Variants in KCNAB1 observed in about 807,000 individuals in gnomAD.
KCNAB1 encodes voltage-gated potassium channel subunit beta-1.
Under a neutral mutation model 64.6 loss-of-function variants are expected in KCNAB1, and 35 were observed. That is an observed-to-expected ratio of 0.54 (90% CI 0.41 to 0.72). The LOEUF (loss-of-function observed/expected upper bound fraction) is 0.72. Ranked by LOEUF, KCNAB1 falls within the 30% of genes least tolerant of loss-of-function variation. KCNAB1 has a pLI of 0.00. For missense variants in KCNAB1, 401 were observed against 512.9 expected (o/e 0.78, Z 2.11); for synonymous variants, 177 against 183.8 (o/e 0.96, Z 0.30).
intron 1 of KCNAB1, among the ~76,000 whole-genome samples, chr3:156,229,412 C>T (rs969675589): frequency 1.3e-5 from 2 of 152,162 alleles, no homozygotes; most frequent in African/African-American, 4.8e-5. Flanking sequence ...GATCCAATAT[C>T]CTCCCACCAG....
intron 2 of KCNAB1, among the ~76,000 whole-genome samples, chr3:156,449,640 G>T (rs1711844839): frequency 6.6e-6 from 1 of 152,312 alleles, no homozygotes; most frequent in African/African-American, 2.4e-5. Flanking sequence ...TTTTCATAAA[G>T]TTTGAAGTCT....
intron 4 of KCNAB1, 134 bp from the exon 5 acceptor site, chr3:156,459,693 C>T (rs1029325240): frequency 6.6e-6 from 4 of 606,596 alleles, no homozygotes; most frequent in Admixed American, 5.9e-5. Context: ...ACTGTGCTAC[C>T]AGCCGAGAGC....
At chr3:156,413,030 C>T (rs1304822594) in intron 1 of KCNAB1, among the ~76,000 whole-genome samples, 5 of 152,170 alleles carry the variant, frequency 3.3e-5, no homozygotes, top group Non-Finnish European at 7.3e-5. Context: ...TAGAGTCAAG[C>T]CTGAACATAA....
At chr3:156,229,967 A>G (rs2108432884) in intron 1 of KCNAB1, among the ~76,000 whole-genome samples, 1 of 152,240 alleles carries the variant, frequency 6.6e-6, no homozygotes, top group Admixed American at 6.5e-5. Flanking sequence ...TCTAACACAT[A>G]CTTATTGATT....
chr3:156,380,047 T>A (rs11708859), intron 1 of KCNAB1, among the ~76,000 whole-genome samples: 4 of 152,140 alleles, frequency 2.6e-5, no homozygotes, highest in South Asian at 4.2e-4. Context: ...CTACACCTCA[T>A]AATTCTAGAT....
chr3:156,529,619 G>A (rs575102764), intron 12 of KCNAB1, among the ~76,000 whole-genome samples: 9 of 152,268 alleles, frequency 5.9e-5, no homozygotes, highest in African/African-American at 2.2e-4. Context: ...CATAACAATG[G>A]GTGTTTCACA....
chr3:156,401,869 C>CT (rs60709682), intron 1 of KCNAB1, among the ~76,000 whole-genome samples: 21,279 of 145,594 alleles, frequency 0.15, 1,611 homozygotes, highest in Middle Eastern at 0.19. Context: ...AGATTTCCAA[C>CT]TTTTTTTTTT....
chr3:156,509,375 GTGCTGC>G (rs67594426), intron 8 of KCNAB1, among the ~76,000 whole-genome samples: 9,054 of 151,034 alleles, frequency 0.06, 701 homozygotes, highest in African/African-American at 0.19. Context: ...AAGTTTCCAG[GTGCTGC>G]TGCTGCTGCT....
At chr3:156,158,179 A>AAAATAAAAAAT (rs1715854034) in intron 1 of KCNAB1, among the ~76,000 whole-genome samples, 62 of 60,676 alleles carry the variant, frequency 1.0e-3, no homozygotes, top group African/African-American at 2.7e-3. Context: ...AAAAAAATAA[A>AAAATAAAAAAT]AAATAAATAA....
chr3:156,256,185 T>C (rs542422836), intron 1 of KCNAB1, among the ~76,000 whole-genome samples: 1 of 152,250 alleles, frequency 6.6e-6, no homozygotes, highest in Non-Finnish European at 1.5e-5. Context: ...AAAAGTGTTA[T>C]GTTTTCAGCA....
At chr3:156,520,118 C>G (rs149561746) in intron 11 of KCNAB1, among the ~76,000 whole-genome samples, 1 of 152,108 alleles carries the variant, frequency 6.6e-6, no homozygotes, top group Non-Finnish European at 1.5e-5. Context: ...CATCACAGAG[C>G]CTGATGAGTA....
intron 1 of KCNAB1, among the ~76,000 whole-genome samples, chr3:156,236,222 C>T (rs1480990695): frequency 1.3e-5 from 2 of 152,210 alleles, no homozygotes; most frequent in African/African-American, 4.8e-5. Context: ...AAAACTCTCT[C>T]ACTTCATAAG....
intron 1 of KCNAB1, among the ~76,000 whole-genome samples, chr3:156,139,584 G>GTTTTTTTTTTTTTTTTTT (rs386398329): frequency 1.4e-4 from 8 of 55,248 alleles, no homozygotes; most frequent in African/African-American, 6.1e-4. Flanking sequence ...ATTGTACTGT[G>GTTTTTTTTTTTTTTTTTT]TTTTTTTTTT....
chr3:156,344,474 T>C (rs1724345325), intron 1 of KCNAB1, among the ~76,000 whole-genome samples: 1 of 152,144 alleles, frequency 6.6e-6, no homozygotes, highest in South Asian at 2.1e-4. Flanking sequence ...CAACCACAGG[T>C]GAATCTACAA....
chr3:156,126,789 A>G (rs186705531), intron 1 of KCNAB1, among the ~76,000 whole-genome samples: 38 of 152,030 alleles, frequency 2.5e-4, no homozygotes, highest in Non-Finnish European at 8.8e-5. Context: ...AAAGTGGGTA[A>G]TGATGGCAGT....
intron 1 of KCNAB1, among the ~76,000 whole-genome samples, chr3:156,179,396 T>C (rs1712629989): frequency 6.6e-6 from 1 of 151,882 alleles, no homozygotes; most frequent in Admixed American, 6.6e-5. Flanking sequence ...AAAATATTCT[T>C]TATTATTCCC....
At chr3:156,244,907 G>C (rs1490660717) in intron 1 of KCNAB1, among the ~76,000 whole-genome samples, 2 of 152,192 alleles carry the variant, frequency 1.3e-5, no homozygotes, top group African/African-American at 2.4e-5. Flanking sequence ...GGAGTCCCCA[G>C]GACAGATATC....
At chr3:156,396,975 T>C (rs1428030034) in intron 1 of KCNAB1, among the ~76,000 whole-genome samples, 1 of 152,256 alleles carries the variant, frequency 6.6e-6, no homozygotes, top group Non-Finnish European at 1.5e-5. Flanking sequence ...TTGGGCTTGC[T>C]GCTGGCTCCT....
chr3:156,383,829 A>C (rs1303490682), intron 1 of KCNAB1, among the ~76,000 whole-genome samples: 1 of 152,220 alleles, frequency 6.6e-6, no homozygotes, highest in African/African-American at 2.4e-5. Flanking sequence ...GGTGGTTTCC[A>C]ACAGCGTTTT....
Sources: allele counts gnomAD v4.1 joint callset (sites outside exome capture counted in the v4.1 genomes callset), GRCh38; gene constraint gnomAD v4.1.1; transcripts MANE v1.5; gene names NCBI Gene and HGNC (gene_info 2026-07-23, HGNC 2026-07-21).